STK3: variants seen among roughly 807,000 people sequenced by gnomAD.
STK3 encodes serine/threonine-protein kinase 3.
A neutral mutation model predicts 58.0 loss-of-function variants in STK3; 41 were observed. The ratio of observed to expected loss-of-function variants is 0.71; its 90% CI spans 0.55 to 0.92. The LOEUF is 0.92. STK3 is among the 40% of genes least tolerant of loss of function. The pLI is 0.00. For missense variants in STK3, 479 were observed against 602.7 expected (o/e 0.79, Z 2.15); for synonymous variants, 170 against 191.0 (o/e 0.89, Z 0.91).
chr8:98,630,673 GAGAAGGAGGAGAAGGAGA>G lies in STK3; in HGVS notation c.685-34522_685-34505del, dbSNP rs1308118501. Among the ~76,000 whole-genome samples, 7 of 149,226 alleles carry G rather than the reference GAGAAGGAGGAGAAGGAGA, an allele frequency of 4.7e-5. No homozygotes were observed. The South Asian group carries it at 6.4e-4, about 14-fold the overall frequency. ...GAAGGAGAAGGAGAAGGAGAAGGAG[GAGAAGGAGGAGAAGGAGA>G]AGAAGGAGGAGAAGGAGGAGAAGGA... On this transcript the variant is annotated intron_variant, in intron 6 of 10. Transcript: ENST00000419617.
intron 3 of STK3, among the ~76,000 whole-genome samples, chr8:98,834,542 A>G (rs1835678327): frequency 6.6e-6 from 1 of 152,234 alleles, no homozygotes; most frequent in Non-Finnish European, 1.5e-5. Flanking sequence ...TTTCCAAGCA[A>G]AGAAAACATA....
chr8:98,450,888 T>C (rs1454195901), downstream of STK3, among the ~76,000 whole-genome samples: 2 of 152,196 alleles, frequency 1.3e-5, no homozygotes, highest in African/African-American at 4.8e-5. Context: ...ATTCTAAAGC[T>C]AGACCTCCTG....
At chr8:98,792,963 G>A (rs569152273) in intron 1 of STK3, among the ~76,000 whole-genome samples, 2 of 151,886 alleles carry the variant, frequency 1.3e-5, no homozygotes, top group Non-Finnish European at 2.9e-5. Flanking sequence ...ATGTGTGTGT[G>A]TATGTATATA....
At chr8:98,475,539 T>C (rs750120155) in intron 10 of STK3, among the ~76,000 whole-genome samples, 60 of 152,122 alleles carry the variant, frequency 3.9e-4, no homozygotes, top group Non-Finnish European at 7.8e-4. Context: ...CACAATAAGG[T>C]TGAATACAAT....
chr8:98,924,241 TA>T (rs1477801041), intron 1 of STK3, among the ~76,000 whole-genome samples: 1 of 152,242 alleles, frequency 6.6e-6, no homozygotes, highest in Non-Finnish European at 1.5e-5. Context: ...GTCTGTTTAA[TA>T]AGTTTGTGAA....
intron 1 of STK3, among the ~76,000 whole-genome samples, chr8:98,791,144 A>G (rs193072645): frequency 1.6e-4 from 25 of 152,340 alleles, no homozygotes; most frequent in African/African-American, 4.6e-4. Flanking sequence ...ACATTAATGT[A>G]CACAATCAGT....
chr8:98,884,904 A>AT (rs1225996010), intron 1 of STK3, among the ~76,000 whole-genome samples: 2 of 152,220 alleles, frequency 1.3e-5, no homozygotes, highest in African/African-American at 4.8e-5. Context: ...CCTTTAAAAC[A>AT]TTTTATGATG....
chr8:98,614,616 C>CA (rs1817509731), intron 6 of STK3, among the ~76,000 whole-genome samples: 10 of 152,244 alleles, frequency 6.6e-5, no homozygotes, highest in Admixed American at 1.3e-4. Context: ...CGTGCGCGAG[C>CA]CGAAGCAGGG....
chr8:98,893,442 GA>G (rs1838289298), intron 1 of STK3, among the ~76,000 whole-genome samples: 2 of 78,058 alleles, frequency 2.6e-5, no homozygotes, highest in Admixed American at 2.9e-4. Flanking sequence ...AAGAAAGAAA[GA>G]AAGAAAGAAA....
chr8:98,740,239 G>A (rs1301696091), intron 4 of STK3, among the ~76,000 whole-genome samples: 2 of 152,044 alleles, frequency 1.3e-5, no homozygotes, highest in Non-Finnish European at 2.9e-5. Flanking sequence ...AGGAAATACA[G>A]AGAACGCCAC....
At chr8:98,794,672 C>T (rs1564007893) in intron 1 of STK3, among the ~76,000 whole-genome samples, 1 of 152,112 alleles carries the variant, frequency 6.6e-6, no homozygotes. Flanking sequence ...TCGAAGGATG[C>T]ATCACCCTGA....
chr8:98,391,523 C>G (rs1244211085), upstream of STK3: 1 of 152,246 alleles, frequency 6.6e-6, no homozygotes. Flanking sequence ...TTGCAGTTCT[C>G]TGGTCAGAAA....
intron 3 of STK3, among the ~76,000 whole-genome samples, chr8:98,841,751 A>G (rs1327809431): frequency 6.6e-6 from 1 of 151,568 alleles, no homozygotes; most frequent in East Asian, 1.9e-4. Flanking sequence ...TGACAGTTCT[A>G]TGGAAAATGG....
chr8:98,935,167 G>T (rs987291909), intron 1 of STK3, among the ~76,000 whole-genome samples: 1 of 152,114 alleles, frequency 6.6e-6, no homozygotes, highest in Non-Finnish European at 1.5e-5. Context: ...CCTTAGAGGT[G>T]GGGGTGGGGG....
intron 3 of STK3, among the ~76,000 whole-genome samples, chr8:98,410,644 A>G (rs2131039861): frequency 6.6e-6 from 1 of 152,316 alleles, no homozygotes; most frequent in Non-Finnish European, 1.5e-5. Flanking sequence ...TCTCTTGTCG[A>G]CAGTGTGTGA....
chr8:98,831,732 ATT>A (rs919319963), intron 3 of STK3, among the ~76,000 whole-genome samples: 4 of 152,212 alleles, frequency 2.6e-5, no homozygotes, highest in African/African-American at 9.6e-5. Context: ...TTTACAAAAC[ATT>A]TTCTCTTGAT....
At chr8:98,398,522 C>T (rs1817914826), downstream of STK3, among the ~76,000 whole-genome samples, 1 of 152,192 alleles carries the variant, frequency 6.6e-6, no homozygotes, top group Non-Finnish European at 1.5e-5. Context: ...TTCTCCCATC[C>T]CATGGAAGCC....
intron 1 of STK3, among the ~76,000 whole-genome samples, chr8:98,942,008 C>T (rs530553093): frequency 4.6e-5 from 7 of 152,358 alleles, no homozygotes; most frequent in Non-Finnish European, 1.0e-4. Context: ...CTTCCCTCTC[C>T]GCACACCCGA....
At chr8:98,817,780 C>T (rs1162284868) in intron 1 of STK3, among the ~76,000 whole-genome samples, 1 of 152,218 alleles carries the variant, frequency 6.6e-6, no homozygotes, top group Non-Finnish European at 1.5e-5. Context: ...TCTACCATCT[C>T]AAATCACAAA....
Sources: gnomAD v4.1 joint callset for allele counts (sites outside exome capture counted in the v4.1 genomes callset) on GRCh38, gnomAD v4.1.1 for gene constraint, MANE v1.5 for transcripts, NCBI Gene and HGNC (gene_info 2026-07-23, HGNC 2026-07-21) for gene names.